Variants in RTN4IP1 observed in about 807,000 individuals in gnomAD.
RTN4IP1 encodes the protein reticulon 4 interacting protein 1.
RTN4IP1 carries 32 observed loss-of-function variants against 46.6 expected under a neutral mutation model. That is an observed-to-expected ratio of 0.69 (90% CI 0.52 to 0.92). The LOEUF is 0.92. Among genes scored for constraint, RTN4IP1 ranks in the 40% least tolerant of loss-of-function variants. The pLI, the probability that RTN4IP1 is intolerant of heterozygous loss-of-function variation, is 0.00. For missense variants in RTN4IP1, 424 were observed against 485.8 expected, an observed-to-expected ratio of 0.87 and a Z score of 1.20; for synonymous variants, 167 against 161.8, an observed-to-expected ratio of 1.03 and a Z score of -0.24.
chr6:106,591,883 G>C (rs1244511262), intron 6 of RTN4IP1, among the ~76,000 whole-genome samples: 1 of 152,122 alleles, frequency 6.6e-6, no homozygotes, highest in Non-Finnish European at 1.5e-5. Context: ...TTCCAATTTT[G>C]TCTTCAGGCC....
chr6:106,600,874 A>G (rs1582369612), intron 5 of RTN4IP1, among the ~76,000 whole-genome samples: 1 of 152,202 alleles, frequency 6.6e-6, no homozygotes, highest in East Asian at 1.9e-4. Flanking sequence ...CACTATTATG[A>G]ATAATACTGC....
intron 6 of RTN4IP1, 92 bp downstream of exon 6, chr6:106,592,072 A>G (rs1414418555): frequency 4.6e-6 from 6 of 1,317,560 alleles, no homozygotes; most frequent in Non-Finnish European, 6.3e-6. Flanking sequence ...TCAAGATTCC[A>G]ACATGATTGT....
intron 8 of RTN4IP1, among the ~76,000 whole-genome samples, chr6:106,578,923 T>A (rs1775290866): frequency 6.6e-6 from 1 of 152,078 alleles, no homozygotes; most frequent in African/African-American, 2.4e-5. Context: ...TCTTTTTTTT[T>A]TTTTTAACAA....
chr6:106,624,803 G>C (rs1487088624), intron 1 of RTN4IP1, among the ~76,000 whole-genome samples: 2 of 150,978 alleles, frequency 1.3e-5, no homozygotes, highest in African/African-American at 4.9e-5. Flanking sequence ...AGGCATAGTG[G>C]TACATGCCTG....
intron 7 of RTN4IP1, among the ~76,000 whole-genome samples, chr6:106,586,053 CTTGGT>C (rs1210952089): frequency 2.6e-5 from 4 of 152,178 alleles, no homozygotes; most frequent in African/African-American, 9.6e-5. Context: ...CAGTGCAGCG[CTTGGT>C]TTGTTCATTT....
chr6:106,616,981 G>A (rs2035154), intron 4 of RTN4IP1, among the ~76,000 whole-genome samples: 11,347 of 152,088 alleles, frequency 0.075, 1,069 homozygotes, highest in African/African-American at 0.2. Flanking sequence ...TCATGCAAGC[G>A]GAACCCTCAT....
At chr6:106,586,796 A>G (rs1775496641) in intron 7 of RTN4IP1, among the ~76,000 whole-genome samples, 1 of 152,210 alleles carries the variant, frequency 6.6e-6, no homozygotes, top group South Asian at 2.1e-4. Flanking sequence ...CTGTGATGAC[A>G]ACAGGCTACG....
intron 8 of RTN4IP1, among the ~76,000 whole-genome samples, chr6:106,578,727 T>C (rs888694712): frequency 6.6e-6 from 1 of 152,116 alleles, no homozygotes; most frequent in African/African-American, 2.4e-5. Context: ...CCTGCCACCA[T>C]TTCACCAGCA....
chr6:106,605,816 C>CAAAAAAAAAAAAA lies in RTN4IP1; in HGVS notation c.621-2907_621-2895dup, dbSNP rs60568175. On this transcript the variant is annotated intron_variant, in intron 4 of 8. Transcript: ENST00000369063. ...TGGGCGACAGAGCAAGACTCTGTCC[C>CAAAAAAAAAAAAA]AAAAAAAAAAAAAAAAAAAAAAAAA... Among the ~76,000 whole-genome samples, 2 of 4,496 alleles carry CAAAAAAAAAAAAA rather than the reference C, an allele frequency of 4.4e-4. 1 individual carries two copies. Among genetic ancestry groups the CAAAAAAAAAAAAA allele is most frequent in the African/African-American group, 1.2e-3 (2 of 1,696 alleles). 2.9% of individuals were successfully genotyped at this position (4,496 alleles called of 152,430 possible).
chr6:106,572,304 C>T (rs1250535658), intron 8 of RTN4IP1: 3 of 580,884 alleles, frequency 5.2e-6, no homozygotes, highest in African/African-American at 3.8e-5. Context: ...TCTTTATGGC[C>T]CCTCCCACCC....
intron 8 of RTN4IP1, among the ~76,000 whole-genome samples, chr6:106,576,402 A>G (rs1775228678): frequency 6.6e-6 from 1 of 152,164 alleles, no homozygotes; most frequent in Admixed American, 6.5e-5. Context: ...CATAGAAACA[A>G]TTTCAGTAGC....
intron 7 of RTN4IP1, among the ~76,000 whole-genome samples, chr6:106,584,432 C>T (rs1388701841): frequency 6.6e-6 from 1 of 152,218 alleles, no homozygotes; most frequent in Non-Finnish European, 1.5e-5. Flanking sequence ...GAGGTGAGCT[C>T]AGACTTCTTT....
At chr6:106,629,682 A>G (rs755143563), upstream of RTN4IP1, 71 of 1,605,952 alleles carry the variant, frequency 4.4e-5, no homozygotes, top group Non-Finnish European at 6.0e-5. Flanking sequence ...CACGAGGACC[A>G]TGCTGGGCCG....
chr6:106,610,333 G>C (rs1366083177), intron 4 of RTN4IP1, among the ~76,000 whole-genome samples: 3 of 152,050 alleles, frequency 2.0e-5, no homozygotes, highest in Non-Finnish European at 2.9e-5. Context: ...CAAAGTGCTG[G>C]GATTACAGGT....
At chr6:106,575,527 CCTCT>C (rs10606700) in intron 8 of RTN4IP1, among the ~76,000 whole-genome samples, 21,469 of 152,120 alleles carry the variant, frequency 0.14, 1,724 homozygotes, top group African/African-American at 0.21. Context: ...AGGCAAAAAC[CCTCT>C]CTAACACTTG....
At chr6:106,581,339 C>T (rs550708786) in intron 8 of RTN4IP1, among the ~76,000 whole-genome samples, 6 of 152,304 alleles carry the variant, frequency 3.9e-5, no homozygotes, top group African/African-American at 1.2e-4. Context: ...AATCATGAAG[C>T]GCTCAGCCAA....
rs528876493 is a variant in RTN4IP1 at position 106,629,405 on chromosome 6, C to T, written c.-384G>A. 160 of 573,280 alleles carry T rather than the reference C, an allele frequency of 2.8e-4. 1 individual carries two copies. In the African/African-American group the frequency reaches 2.8e-3, roughly 10 times the overall value. 35.5% of individuals were successfully genotyped at this position (573,280 alleles called of 1,614,324 possible). A position where few individuals can be genotyped will look rare whatever the true frequency, so the allele number is the denominator to read the frequency against. On this transcript the variant is annotated 5_prime_UTR_variant, in exon 1 of 9. Coordinates refer to ENST00000369063, the MANE Select transcript of RTN4IP1 (RefSeq NM_032730.5). ...CAAGCAGACACCGCTCGCGATCCAA[C>T]GCCAGAGAATCGAACGCTTGCCGAC...
Position 106,622,838 on chromosome 6 carries a change from A to G in RTN4IP1, c.406T>C (p.Tyr136His), listed in dbSNP as rs781267957. The change falls in exon 2 of 9, where the codon TAC becomes CAC. Residue 136 changes from tyrosine to histidine, a missense_variant. By Grantham distance (83) the Tyr-to-His change is moderately conservative. Transcript: ENST00000369063. ...VVMECGLDVK[Y>H]FKPGDEVWAA... ...CTCACCTCATCTCCAGGCTTGAAGT[A>G]TTTCACATCAAGCCCACATTCCATC... is the stretch of plus-strand genomic sequence containing the variant. The G allele has an allele frequency of 1.2e-6, 2 of 1,613,648 alleles. No individual in the cohort carries two copies. Among genetic ancestry groups the G allele is most frequent in the South Asian group, 2.2e-5 (2 of 91,016 alleles).
chr6:106,589,905 C>T (rs1429971883), intron 6 of RTN4IP1, among the ~76,000 whole-genome samples: 2 of 152,148 alleles, frequency 1.3e-5, no homozygotes, highest in African/African-American at 4.8e-5. Context: ...GACCACTTGC[C>T]AGGAAGAGAT....
Sources: gnomAD v4.1 joint callset for allele counts (sites outside exome capture counted in the v4.1 genomes callset) on GRCh38, gnomAD v4.1.1 for gene constraint, MANE v1.5 for transcripts, NCBI Gene and HGNC (gene_info 2026-07-23, HGNC 2026-07-21) for gene names.